The following KLF8 variants were observed in gnomAD, a reference collection of about 807,000 sequenced individuals.
KLF8 encodes the protein KLF transcription factor 8, also known as Krueppel-like factor 8.
Under a neutral mutation model 18.2 loss-of-function variants are expected in KLF8, and 10 were observed. The ratio of observed to expected loss-of-function variants is 0.55; its 90% CI spans 0.34 to 0.93. KLF8 has a LOEUF of 0.93. KLF8 is among the 40% of genes least tolerant of loss of function. The probability of loss-of-function intolerance (pLI) is 0.02; values close to 1 mark genes in which losing one functional copy is unlikely to be tolerated. For synonymous variants in KLF8, 109 were observed against 97.3 expected (o/e 1.12, Z -0.71); for missense variants, 264 against 277.9 (o/e 0.95, Z 0.36).
the KLF8 span, among the ~76,000 whole-genome samples, chrX:56,000,401 A>T: frequency 1.0e-5 from 1 of 95,666 alleles, no homozygotes; most frequent in Non-Finnish European, 2.0e-5. Flanking sequence ...GAATTGTTTC[A>T]GTAGAATTGG....
the KLF8 span, among the ~76,000 whole-genome samples, chrX:56,215,146 G>A: frequency 9.0e-6 from 1 of 111,545 alleles, no homozygotes; most frequent in Non-Finnish European, 1.9e-5. Context: ...TCAATTAAGT[G>A]CTCAATTAAG....
At chrX:56,045,683 A>C in the KLF8 span, among the ~76,000 whole-genome samples, 8 of 111,701 alleles carry the variant, frequency 7.2e-5, no homozygotes, top group African/African-American at 2.6e-4. Context: ...AAAGGGGTTC[A>C]GTTCTTGATT....
At chrX:55,965,121 C>A in the KLF8 span, among the ~76,000 whole-genome samples, 17 of 111,418 alleles carry the variant, frequency 1.5e-4, no homozygotes, top group Non-Finnish European at 3.2e-4. Context: ...AGGCCAATAT[C>A]CCTGATTAAC....
At position 56,291,153 on chromosome X, in the gene KLF8, T is replaced by G. The variant is rs1360985545; in HGVS notation, c.*6659T>G. On this transcript the variant is annotated 3_prime_UTR_variant, in exon 6 of 6. Coordinates refer to ENST00000468660, the MANE Select transcript of KLF8 (RefSeq NM_007250.5). ...TGCAGTGAAAGGATCAGTTGGATTT[T>G]TTGTCATTGTTAGTTTGTTTAAATA... 8.9e-6 allele frequency among the ~76,000 whole-genome samples: 1 copy of G among 111,877 alleles called. No homozygotes were observed. The highest frequency in any genetic ancestry group is 2.8e-4 in the East Asian group (1 of 3,564).
chrX:56,248,310 A>T (rs2066654228), intron 1 of KLF8, among the ~76,000 whole-genome samples: 1 of 111,237 alleles, frequency 9.0e-6, no homozygotes, highest in South Asian at 3.8e-4. Context: ...AAGTATGAAA[A>T]AAAAAAGAAC....
chrX:56,094,315 A>G, the KLF8 span, among the ~76,000 whole-genome samples: 1 of 111,530 alleles, frequency 9.0e-6, no homozygotes, highest in East Asian at 2.8e-4. Context: ...TGGTAAGGAT[A>G]TTAATTTTAG....
chrX:56,174,185 G>A, the KLF8 span, among the ~76,000 whole-genome samples: 1 of 111,877 alleles, frequency 8.9e-6, no homozygotes, highest in Non-Finnish European at 1.9e-5. Flanking sequence ...GTTTTCAAAA[G>A]GAATGCTTCC....
At chrX:55,956,445 C>T in the KLF8 span, among the ~76,000 whole-genome samples, 23,988 of 110,293 alleles carry the variant, frequency 0.22, 5,423 homozygotes, top group African/African-American at 0.69. Flanking sequence ...TTATGTGGTG[C>T]ATTATTTTTG....
chrX:56,080,812 A>C, the KLF8 span, among the ~76,000 whole-genome samples: 1 of 110,784 alleles, frequency 9.0e-6, no homozygotes, highest in Non-Finnish European at 1.9e-5. Flanking sequence ...TGGTCTTTTC[A>C]CATAGTCCCA....
chrX:56,085,346 A>G, the KLF8 span, among the ~76,000 whole-genome samples: 1 of 112,261 alleles, frequency 8.9e-6, no homozygotes, highest in Non-Finnish European at 1.9e-5. Context: ...CTGGTGACTC[A>G]GAAAATCCAG....
At chrX:56,217,825 A>G in the KLF8 span, among the ~76,000 whole-genome samples, 1 of 111,584 alleles carries the variant, frequency 9.0e-6, no homozygotes, top group African/African-American at 3.3e-5. Context: ...GTAAATTAGG[A>G]TTGGGAATGT....
chrX:56,156,362 T>C, the KLF8 span, among the ~76,000 whole-genome samples: 2 of 110,484 alleles, frequency 1.8e-5, no homozygotes, highest in African/African-American at 6.6e-5. Context: ...CCATTAGTGA[T>C]TTTTCCTGAT....
the KLF8 span, among the ~76,000 whole-genome samples, chrX:56,052,677 C>G: frequency 2.7e-5 from 3 of 112,019 alleles, no homozygotes; most frequent in African/African-American, 9.7e-5. Flanking sequence ...TCAAAGCTGT[C>G]AGACAGGGAC....
the KLF8 span, among the ~76,000 whole-genome samples, chrX:56,164,402 G>A: frequency 1.1e-5 from 1 of 89,867 alleles, no homozygotes; most frequent in Non-Finnish European, 2.2e-5. Flanking sequence ...CAGAGCAGGA[G>A]CAATGAGCTA....
the KLF8 span, among the ~76,000 whole-genome samples, chrX:55,947,247 A>T: frequency 1.8e-5 from 2 of 111,006 alleles, no homozygotes; most frequent in Non-Finnish European, 3.8e-5. Flanking sequence ...CAAATGTCCA[A>T]CAATGATAGA....
chrX:56,181,300 G>A, the KLF8 span, among the ~76,000 whole-genome samples: 1 of 108,565 alleles, frequency 9.2e-6, no homozygotes, highest in African/African-American at 3.3e-5. Flanking sequence ...GCTTTTTTTT[G>A]TTTTCCATTT....
the KLF8 span, among the ~76,000 whole-genome samples, chrX:56,080,294 T>A: frequency 9.0e-6 from 1 of 111,513 alleles, no homozygotes; most frequent in Non-Finnish European, 1.9e-5. Flanking sequence ...TACCGGTTGT[T>A]CCTTTCCATG....
At chrX:55,928,049 A>T in the KLF8 span, among the ~76,000 whole-genome samples, 37 of 112,455 alleles carry the variant, frequency 3.3e-4, no homozygotes, top group African/African-American at 1.1e-3. Flanking sequence ...AATACAGAAT[A>T]CAGACTGTAT....
At chrX:55,932,349 G>A in the KLF8 span, among the ~76,000 whole-genome samples, 2 of 110,427 alleles carry the variant, frequency 1.8e-5, no homozygotes, top group East Asian at 2.8e-4. Flanking sequence ...CTTTTTATTG[G>A]GACATTTAGT....
Sources: gnomAD v4.1 joint callset for allele counts (sites outside exome capture counted in the v4.1 genomes callset) on GRCh38, gnomAD v4.1.1 for gene constraint, MANE v1.5 for transcripts, NCBI Gene and HGNC (gene_info 2026-07-23, HGNC 2026-07-21) for gene names.